Variants in AQR observed in about 807,000 individuals in gnomAD.
AQR encodes aquarius intron-binding spliceosomal factor, also known as RNA helicase aquarius.
Under a neutral mutation model 180.5 loss-of-function variants are expected in AQR, and 61 were observed. The observed-to-expected ratio is 0.34, with a 90% CI of 0.28 to 0.42. The LOEUF (loss-of-function observed/expected upper bound fraction) is 0.42, where lower values mean the gene tolerates loss of function less well. Ranked by LOEUF, AQR falls within the 10% of genes least tolerant of loss-of-function variation. The pLI is 1.00. For synonymous variants in AQR, 551 were observed against 588.8 expected (o/e 0.94, Z 0.93); for missense variants, 1,281 against 1,798.3 (o/e 0.71, Z 5.20).
At chr15:34,898,282 ACCT>A (rs910079825) in intron 20 of AQR, among the ~76,000 whole-genome samples, 1 of 152,212 alleles carries the variant, frequency 6.6e-6, no homozygotes, top group African/African-American at 2.4e-5. Flanking sequence ...CCCCACAGAT[ACCT>A]CAGGGAAGTC....
rs1783875147 is a variant in AQR at position 34,852,416 on chromosome 15, CCG to C, written c.*4374_*4375del. 6.6e-6 allele frequency: 1 copy of C among 152,142 alleles called. No homozygotes were observed. Among genetic ancestry groups the C allele is most frequent in the Admixed American group, 6.5e-5 (1 of 15,278 alleles). The allele number at this position is 152,142 out of a possible 1,614,324, so 9.4% of individuals were successfully genotyped here. A position where few individuals can be genotyped will look rare whatever the true frequency, so the allele number is the denominator to read the frequency against. On this transcript the variant is annotated 3_prime_UTR_variant, in exon 35 of 35. Transcript: ENST00000156471. The stretch of plus-strand genomic sequence containing the variant: ...GATCTCCTGACCTCAGGTGATCCGC[CCG>C]CCTGGGCCTCCCAAAGTGCTGGGAT...
rs1413835465 is a variant in AQR at position 34,931,716 on chromosome 15, G to A, written c.900+602C>T. On this transcript the variant is annotated intron_variant, in intron 11 of 34. Coordinates refer to ENST00000156471, the MANE Select transcript of AQR (RefSeq NM_014691.3). ...CCGGCTACTGGGGAGACTGAGGCAG[G>A]AGAATCACTTGAACCCAGGAGGCGG... Among the ~76,000 whole-genome samples the A allele has an allele frequency of 3.3e-5, 5 of 152,144 alleles. 1 individual carries two copies. The highest frequency in any genetic ancestry group is 3.8e-4 in the East Asian group (2 of 5,198).
chr15:34,903,554 C>T (rs565689794), intron 19 of AQR, among the ~76,000 whole-genome samples: 52 of 152,168 alleles, frequency 3.4e-4, no homozygotes, highest in Middle Eastern at 6.8e-3. Flanking sequence ...AGGATATCTC[C>T]ATTTGTGTTC....
chr15:34,898,077 G>A (rs1893275688), intron 20 of AQR, among the ~76,000 whole-genome samples: 1 of 152,196 alleles, frequency 6.6e-6, no homozygotes. Context: ...TCAAAGACGG[G>A]AAGAGAAGAC....
intron 27 of AQR, among the ~76,000 whole-genome samples, chr15:34,880,491 C>G (rs1444374827): frequency 6.6e-6 from 1 of 152,058 alleles, no homozygotes; most frequent in Non-Finnish European, 1.5e-5. Context: ...AAACTAAACA[C>G]AGTTTTGGGT....
chr15:34,916,656 A>G (rs1355019547), intron 15 of AQR, among the ~76,000 whole-genome samples: 1 of 152,144 alleles, frequency 6.6e-6, no homozygotes, highest in Non-Finnish European at 1.5e-5. Context: ...AGCACAAAAA[A>G]AGAGACAAGT....
At position 34,920,540 on chromosome 15, in the gene AQR, A is replaced by G. The variant is rs1334290960; in HGVS notation, c.1119-106T>C. The G allele has an allele frequency of 5.1e-6, 4 of 777,638 alleles. No homozygotes were observed. The African/African-American group carries it at 5.3e-5, about 10-fold the overall frequency. The allele number at this position is 777,638 out of a possible 1,614,324, so 48.2% of individuals were successfully genotyped here. ...AAAAAAGCAAATATAATACTATGAC[A>G]TGGGCAGCAAATATCAAAAACCAGC... On this transcript the variant is annotated intron_variant, in intron 13 of 34. Transcript: ENST00000156471.
At chr15:34,958,076 C>T (rs1248635893) in intron 3 of AQR, among the ~76,000 whole-genome samples, 2 of 151,690 alleles carry the variant, frequency 1.3e-5, no homozygotes, top group African/African-American at 2.4e-5. Flanking sequence ...GGCGTGGTGG[C>T]GGGCGCCTGT....
chr15:34,899,043 G>A (rs971191971), intron 20 of AQR, among the ~76,000 whole-genome samples: 12 of 151,492 alleles, frequency 7.9e-5, no homozygotes, highest in Non-Finnish European at 1.3e-4. Flanking sequence ...GGTGGCGGGC[G>A]CCTGCAGTCC....
intron 5 of AQR, among the ~76,000 whole-genome samples, chr15:34,945,804 T>TA (rs1013401578): frequency 2.0e-5 from 3 of 152,160 alleles, no homozygotes; most frequent in Non-Finnish European, 2.9e-5. Flanking sequence ...TTTTTTCATT[T>TA]AAAAAAGTCT....
At chr15:34,915,209 AT>A (rs370486508) in intron 15 of AQR, 30 bp from the exon 16 acceptor site, 90,636 of 1,218,122 alleles carry the variant, frequency 0.074, 271 homozygotes, top group African/African-American at 0.14. Context: ...CCATATTTCA[AT>A]TTTTTTTTTT....
chr15:34,914,936 T>C, intron 16 of AQR, 102 bp downstream of exon 16: 1 of 1,257,390 alleles, frequency 8.0e-7, no homozygotes, highest in East Asian at 2.6e-5. Flanking sequence ...AGGGCACTTT[T>C]GTCTCAGTAT....
rs998867740 is a variant in AQR at position 34,860,159 on chromosome 15, G to A, written c.4030-4C>T. The A allele has an allele frequency of 1.4e-6, 2 of 1,446,684 alleles. No homozygotes were observed. Among genetic ancestry groups the A allele is most frequent in the Admixed American group, 2.2e-5 (1 of 45,832 alleles). The allele number at this position is 1,446,684 out of a possible 1,614,324, so 89.6% of individuals were successfully genotyped here. On this transcript the variant is annotated splice_polypyrimidine_tract_variant and splice_region_variant and intron_variant, in intron 33 of 34. Transcript: ENST00000156471. Reference sequence around the variant, plus strand: ...CATGAGATGGTCTCTCTCCATTCTAGAAGAAGGAAAAAAGAACGTTAAGTA... The same window carrying A: ...CATGAGATGGTCTCTCTCCATTCTAAAAGAAGGAAAAAAGAACGTTAAGTA...
chr15:34,968,949 G>A (rs1398872974), intron 1 of AQR, among the ~76,000 whole-genome samples: 6 of 152,224 alleles, frequency 3.9e-5, no homozygotes, highest in African/African-American at 1.4e-4. Flanking sequence ...AATGAGGAAT[G>A]ATGCTGACAA....
intron 12 of AQR, among the ~76,000 whole-genome samples, chr15:34,928,026 A>G (rs1186891040): frequency 6.6e-6 from 1 of 152,200 alleles, no homozygotes; most frequent in East Asian, 1.9e-4. Flanking sequence ...TGTCAATACA[A>G]TAGACCACAT....
intron 13 of AQR, among the ~76,000 whole-genome samples, chr15:34,925,939 C>T (rs1243163179): frequency 6.6e-6 from 1 of 152,120 alleles, no homozygotes; most frequent in Non-Finnish European, 1.5e-5. Flanking sequence ...GAGGCTGAGG[C>T]GGGCAGATCA....
chr15:34,933,259 T>A (rs578140858), intron 10 of AQR, among the ~76,000 whole-genome samples: 1 of 152,180 alleles, frequency 6.6e-6, no homozygotes, highest in Non-Finnish European at 1.5e-5. Flanking sequence ...GAGCTAGAAT[T>A]TGAAAGATCT....
At chr15:34,929,547 T>G (rs752943989) in intron 12 of AQR, among the ~76,000 whole-genome samples, 1 of 152,212 alleles carries the variant, frequency 6.6e-6, no homozygotes, top group Non-Finnish European at 1.5e-5. Flanking sequence ...CATTGGTCTA[T>G]ATGTCTGTTT....
intron 31 of AQR, chr15:34,867,821 T>C (rs1892758421): frequency 2.4e-6 from 1 of 424,382 alleles, no homozygotes; most frequent in South Asian, 3.2e-5. Context: ...TATTAACACT[T>C]ACAGCACTTG....
Sources: gnomAD v4.1 joint callset for allele counts (sites outside exome capture counted in the v4.1 genomes callset) on GRCh38, gnomAD v4.1.1 for gene constraint, MANE v1.5 for transcripts, NCBI Gene and HGNC (gene_info 2026-07-23, HGNC 2026-07-21) for gene names.